The following IPO7 variants were observed in gnomAD, a reference collection of about 807,000 sequenced individuals.
The protein encoded by IPO7 is importin 7.
A neutral mutation model predicts 136.4 loss-of-function variants in IPO7; 13 were observed. The ratio of observed to expected loss-of-function variants is 0.10; its 90% CI spans 0.06 to 0.15. The LOEUF is 0.15. IPO7 is among the 10% of genes least tolerant of loss of function. The pLI is 1.00. For synonymous variants in IPO7, 403 were observed against 404.4 expected, an observed-to-expected ratio of 1.00 and a Z score of 0.04; for missense variants, 857 against 1,240.6, an observed-to-expected ratio of 0.69 and a Z score of 4.65.
rs751396800 is a variant in IPO7 at position 9,428,548 on chromosome 11, C to T, written c.1344C>T (p.Ile448=). ...GTTGTTTATATTTACAGAAAAAGATCTATAAAGATCAGATGGAATACATGT... is the reference window on the plus strand; with the variant it reads ...GTTGTTTATATTTACAGAAAAAGATTTATAAAGATCAGATGGAATACATGT... ...SLAEILLKKK[I]YKDQMEYMLQ... Residue 448 remains isoleucine (I), a synonymous_variant, in exon 13 of 25, where the codon ATC becomes ATT. Coordinates refer to ENST00000379719, the MANE Select transcript of IPO7 (RefSeq NM_006391.3). The T allele has an allele frequency of 2.1e-6, 3 of 1,450,072 alleles. No homozygotes were observed. The highest frequency in any genetic ancestry group is 1.2e-5 in the South Asian group (1 of 82,464). 89.8% of individuals were successfully genotyped at this position (1,450,072 alleles called of 1,614,324 possible). A position where few individuals can be genotyped will look rare whatever the true frequency, so the allele number is the denominator to read the frequency against.
chr11:9,431,213 G>A (rs572632393), intron 16 of IPO7, among the ~76,000 whole-genome samples: 1 of 152,068 alleles, frequency 6.6e-6, no homozygotes, highest in Non-Finnish European at 1.5e-5. Flanking sequence ...CAGGATTTTG[G>A]CTCCTCGTTA....
chr11:9,403,969 C>T (rs1854837835), intron 2 of IPO7, among the ~76,000 whole-genome samples: 1 of 152,208 alleles, frequency 6.6e-6, no homozygotes, highest in East Asian at 1.9e-4. Context: ...TCAAGCGATT[C>T]TTCTGCCTTA....
At chr11:9,417,832 C>T (rs1855063300) in intron 6 of IPO7, among the ~76,000 whole-genome samples, 1 of 150,812 alleles carries the variant, frequency 6.6e-6, no homozygotes, top group Non-Finnish European at 1.5e-5. Context: ...CATGCCTCAG[C>T]CTCTCAAGTA....
chr11:9,389,937 A>G (rs927563006), intron 1 of IPO7, among the ~76,000 whole-genome samples: 1 of 152,128 alleles, frequency 6.6e-6, no homozygotes, highest in Non-Finnish European at 1.5e-5. Context: ...TTGTGTTTTT[A>G]GTAGAGACGG....
Position 9,422,987 on chromosome 11 carries a change from T to C in IPO7, c.907-19T>C. On this transcript the variant is annotated intron_variant, in intron 8 of 24. Coordinates refer to ENST00000379719, the MANE Select transcript of IPO7 (RefSeq NM_006391.3). Reference sequence around the variant, plus strand: ...TTTCTATTTGAACATTGATTTGTGATCGAAAATTTTTTTCCAAGGTTTTAT... The same window carrying C: ...TTTCTATTTGAACATTGATTTGTGACCGAAAATTTTTTTCCAAGGTTTTAT... 6.7e-7 allele frequency: 1 copy of C among 1,482,686 alleles called. No individual in the cohort carries two copies. The highest frequency in any genetic ancestry group is 9.1e-7 in the Non-Finnish European group (1 of 1,103,190). The allele number at this position is 1,482,686 out of a possible 1,614,324, so 91.8% of individuals were successfully genotyped here. A position where few individuals can be genotyped will look rare whatever the true frequency, so the allele number is the denominator to read the frequency against.
At chr11:9,438,006 G>A (rs750016021) in intron 21 of IPO7, 32 bp downstream of exon 21, 5 of 1,540,348 alleles carry the variant, frequency 3.2e-6, no homozygotes, top group Non-Finnish European at 4.4e-6. Flanking sequence ...TACTACATTT[G>A]CTTTGGGAGG....
At position 9,436,290 on chromosome 11, in the gene IPO7, G is replaced by C. The variant is rs1258708202; in HGVS notation, c.2192G>C (p.Gly731Ala). 2 of 1,613,364 alleles carry C rather than the reference G, an allele frequency of 1.2e-6. No individual in the cohort carries two copies. The highest frequency in any genetic ancestry group is 1.7e-6 in the Non-Finnish European group (2 of 1,179,396). Reference sequence around the variant, plus strand: ...GATCAGGTTCTTACAGGAGTTGCAGGAGAAGATGCAGAGTGTCATGCAGCA... The same window carrying C: ...GATCAGGTTCTTACAGGAGTTGCAGCAGAAGATGCAGAGTGTCATGCAGCA... ...MCKKVLTGVAGEDAECHAAKL... is the reference protein window; with the variant it reads ...MCKKVLTGVAAEDAECHAAKL... Residue 731 changes from glycine (G) to alanine (A), a missense_variant, in exon 20 of 25, where the codon GGA becomes GCA. By Grantham distance (60) the Gly-to-Ala change is moderately conservative. Coordinates refer to ENST00000379719, the MANE Select transcript of IPO7 (RefSeq NM_006391.3).
At chr11:9,397,340 A>AAAAAAAT (rs1321565618) in intron 1 of IPO7, among the ~76,000 whole-genome samples, 3 of 48,362 alleles carry the variant, frequency 6.2e-5, no homozygotes, top group African/African-American at 2.2e-4. Context: ...ATTTAAAAAA[A>AAAAAAAT]AATATATATA....
chr11:9,413,234 C>T (rs2133740817), intron 4 of IPO7, among the ~76,000 whole-genome samples: 1 of 151,984 alleles, frequency 6.6e-6, no homozygotes, highest in African/African-American at 2.4e-5. Context: ...GTCTCTCTGT[C>T]ACCCAGGCTG....
chr11:9,417,772 G>A (rs989507560), intron 6 of IPO7, among the ~76,000 whole-genome samples: 12 of 151,012 alleles, frequency 7.9e-5, no homozygotes, highest in African/African-American at 2.7e-4. Flanking sequence ...GAGTGCAGTG[G>A]CGCAATCTCG....
At chr11:9,439,625 T>A (rs1440735390) in intron 22 of IPO7, among the ~76,000 whole-genome samples, 1 of 151,676 alleles carries the variant, frequency 6.6e-6, no homozygotes, top group Non-Finnish European at 1.5e-5. Flanking sequence ...GTCGCCAAGC[T>A]GGAGTGCAAT....
At chr11:9,409,017 G>T (rs1049086375) in intron 3 of IPO7, among the ~76,000 whole-genome samples, 2 of 151,336 alleles carry the variant, frequency 1.3e-5, no homozygotes, top group Admixed American at 1.3e-4. Flanking sequence ...CGGCTTTTCT[G>T]GGGGGCTTTT....
At position 9,408,514 on chromosome 11, in the gene IPO7, A is replaced by G. The variant is rs758104093; in HGVS notation, c.195A>G (p.Thr65=). Residue 65 remains threonine (T), a synonymous_variant, in exon 3 of 25, where the codon ACA becomes ACG. Coordinates refer to ENST00000379719, the MANE Select transcript of IPO7 (RefSeq NM_006391.3). Reference sequence around the variant, plus strand: ...TTATCTATCTGAAAAATATGATAACACAGTATTGGCCTGATCGAGAAACAG... The same window carrying G: ...TTATCTATCTGAAAAATATGATAACGCAGTATTGGCCTGATCGAGAAACAG... The part of the protein sequence containing the change: ...AGVIYLKNMI[T]QYWPDRETAP... 1.3e-6 allele frequency: 2 copies of G among 1,576,710 alleles called. No homozygotes were observed. The highest frequency in any genetic ancestry group is 2.4e-5 in the South Asian group (2 of 84,184).
intron 1 of IPO7, among the ~76,000 whole-genome samples, chr11:9,385,640 TGACA>T (rs1261833650): frequency 6.6e-6 from 1 of 152,178 alleles, no homozygotes; most frequent in African/African-American, 2.4e-5. Flanking sequence ...AGAGTTGCTG[TGACA>T]GACAGGTGAG....
intron 1 of IPO7, chr11:9,392,201 G>T: frequency 4.0e-6 from 1 of 248,054 alleles, no homozygotes; most frequent in Non-Finnish European, 7.7e-6. Context: ...TTTTGAGACG[G>T]AGTTTCGCTC....
intron 6 of IPO7, among the ~76,000 whole-genome samples, chr11:9,418,650 A>G (rs1855077655): frequency 6.6e-6 from 1 of 152,204 alleles, no homozygotes; most frequent in Admixed American, 6.5e-5. Flanking sequence ...TAATAGATAT[A>G]AAATATAACT....
At chr11:9,441,234 C>T (rs917934496) in intron 23 of IPO7, among the ~76,000 whole-genome samples, 2 of 152,056 alleles carry the variant, frequency 1.3e-5, no homozygotes, top group African/African-American at 4.8e-5. Flanking sequence ...ATTCTGGAGC[C>T]ACGTACACTG....
chr11:9,430,151 T>C (rs1267063666), intron 15 of IPO7, among the ~76,000 whole-genome samples: 3 of 152,144 alleles, frequency 2.0e-5, no homozygotes, highest in Non-Finnish European at 2.9e-5. Flanking sequence ...CTACCACTTA[T>C]CTACTGCTCC....
At chr11:9,401,747 T>C (rs1854800077) in intron 1 of IPO7, among the ~76,000 whole-genome samples, 1 of 152,190 alleles carries the variant, frequency 6.6e-6, no homozygotes, top group Non-Finnish European at 1.5e-5. Context: ...AGTCTATTGT[T>C]TTATTGTATG....
Sources: allele counts gnomAD v4.1 joint callset (sites outside exome capture counted in the v4.1 genomes callset), GRCh38; gene constraint gnomAD v4.1.1; transcripts MANE v1.5; gene names NCBI Gene and HGNC (gene_info 2026-07-23, HGNC 2026-07-21).